Variants in GPT2 observed in about 807,000 individuals in gnomAD.
The protein encoded by GPT2 is glutamic--pyruvic transaminase 2, also known as alanine aminotransferase 2.
In GPT2, 30 loss-of-function variants were observed where a neutral mutation model predicts 56.9. The observed-to-expected ratio is 0.53, with a 90% CI of 0.39 to 0.72. The LOEUF (loss-of-function observed/expected upper bound fraction) is 0.72, where lower values mean the gene tolerates loss of function less well. Among genes scored for constraint, GPT2 ranks in the 30% least tolerant of loss-of-function variants. GPT2 has a pLI of 0.00. For synonymous variants in GPT2, 271 were observed against 283.1 expected, an observed-to-expected ratio of 0.96 and a Z score of 0.43; for missense variants, 542 against 703.4, an observed-to-expected ratio of 0.77 and a Z score of 2.60.
chr16:46,923,144 C>T (rs1435191171), intron 9 of GPT2, among the ~76,000 whole-genome samples: 3 of 152,170 alleles, frequency 2.0e-5, no homozygotes, highest in African/African-American at 7.2e-5. Context: ...TCTGCACTCA[C>T]CTCCTCGAGA....
At chr16:46,925,285 G>A (rs1297895634) in intron 10 of GPT2, among the ~76,000 whole-genome samples, 2 of 151,690 alleles carry the variant, frequency 1.3e-5, no homozygotes, top group Non-Finnish European at 1.5e-5. Flanking sequence ...GCAGTGGTGC[G>A]ATCGTGGCTC....
In GPT2 at chr16:46,909,612, G is replaced by C. The variant is rs1350446656; in HGVS notation, c.577-72G>C. On this transcript the variant is annotated intron_variant, in intron 5 of 11. Transcript: ENST00000340124. ...GAGTTGGACTGGAGGCATGCAGTGG[G>C]GCCACGGGTGAAAGGCTAGGTCAGG... The C allele has an allele frequency of 3.5e-5, 55 of 1,555,556 alleles. 1 individual carries two copies. The South Asian group carries it at 6.6e-4, about 19-fold the overall frequency.
intron 5 of GPT2, among the ~76,000 whole-genome samples, chr16:46,908,620 C>G (rs978261535): frequency 1.3e-5 from 2 of 152,148 alleles, no homozygotes; most frequent in African/African-American, 4.8e-5. Flanking sequence ...GAAATGGAGG[C>G]CCAGAGACAT....
At position 46,909,774 on chromosome 16, in the gene GPT2, A is replaced by G; in HGVS notation, c.667A>G (p.Ile223Val). 1 of 1,614,186 alleles carries G rather than the reference A, an allele frequency of 6.2e-7. No individual in the cohort carries two copies. The highest frequency in any genetic ancestry group is 1.1e-5 in the South Asian group (1 of 91,078). Residue 223 changes from isoleucine to valine, a missense_variant, in exon 6 of 12, where the codon ATC (isoleucine) becomes GTC (valine). Ile to Val is a conservative substitution (Grantham distance 29). Transcript: ENST00000340124. ...ACAATATCCCCTCTATTCAGCTGTC[A>G]TCTCTGAGCTCGACGCCATCCAGGT... is the stretch of plus-strand genomic sequence containing the variant. The part of the protein sequence containing the change: ...IPQYPLYSAV[I>V]SELDAIQVNY...
At chr16:46,927,242 G>T (rs1163642611) in intron 11 of GPT2, among the ~76,000 whole-genome samples, 2 of 152,206 alleles carry the variant, frequency 1.3e-5, no homozygotes, top group Admixed American at 6.5e-5. Context: ...TCTGCTCAGG[G>T]TTATATTCCC....
At chr16:46,885,353 A>C in intron 2 of GPT2, 1 of 261,780 alleles carries the variant, frequency 3.8e-6, no homozygotes, top group Non-Finnish European at 4.4e-6. Context: ...GAGGGTTGGG[A>C]TGGGGGCGGT....
At chr16:46,923,873 G>C (rs1047078960) in intron 9 of GPT2, 1 of 257,148 alleles carries the variant, frequency 3.9e-6, no homozygotes, top group African/African-American at 2.2e-5. Context: ...GAGGAATTCC[G>C]TCCAGAGCCA....
rs1198461378 is a variant in GPT2 at position 46,884,865 on chromosome 16, G to T, written c.150G>T (p.Leu50=). Residue 50 remains leucine, a synonymous_variant, in exon 2 of 12, where the codon CTG becomes CTT. Transcript: ENST00000340124. ...GCCGGCGCGAGCGCATCCTCACGCT[G>T]GAGTCCATGAACCCGCAGGTGAAGG... is the stretch of plus-strand genomic sequence containing the variant. The part of the protein sequence containing the change: ...ERSRRERILT[L]ESMNPQVKAV... 6.5e-7 allele frequency: 1 copy of T among 1,545,032 alleles called. No homozygotes were observed. The highest frequency in any genetic ancestry group is 1.4e-5 in the African/African-American group (1 of 72,514).
At chr16:46,889,912 C>G (rs775581241) in intron 2 of GPT2, among the ~76,000 whole-genome samples, 2 of 152,208 alleles carry the variant, frequency 1.3e-5, no homozygotes, top group Non-Finnish European at 1.5e-5. Context: ...GGGGCTTGCT[C>G]TTTCCTCCTG....
At chr16:46,893,656 C>T (rs2143364450) in intron 2 of GPT2, among the ~76,000 whole-genome samples, 1 of 152,302 alleles carries the variant, frequency 6.6e-6, no homozygotes, top group African/African-American at 2.4e-5. Context: ...AATATGCCGT[C>T]CCTAGAGCTG....
chr16:46,906,811 C>T, intron 4 of GPT2, 31 bp from the exon 5 acceptor site: 1 of 1,609,760 alleles, frequency 6.2e-7, no homozygotes, highest in Non-Finnish European at 8.5e-7. Context: ...GACATCCTGC[C>T]TCTGTTACTG....
chr16:46,926,085 C>G (rs111759043), intron 10 of GPT2, among the ~76,000 whole-genome samples: 67 of 140,942 alleles, frequency 4.8e-4, no homozygotes, highest in Non-Finnish European at 9.0e-4. Context: ...GAGCCGAGAT[C>G]ACGCCATTGC....
intron 5 of GPT2, among the ~76,000 whole-genome samples, chr16:46,908,144 G>A (rs1169797557): frequency 6.6e-6 from 1 of 151,146 alleles, no homozygotes; most frequent in Non-Finnish European, 1.5e-5. Flanking sequence ...CTGGGCTTGG[G>A]AGACCGGTGG....
At chr16:46,926,130 CAAAAAA>C (rs57922941) in intron 10 of GPT2, among the ~76,000 whole-genome samples, 1 of 58,168 alleles carries the variant, frequency 1.7e-5, no homozygotes, top group Admixed American at 1.9e-4. Context: ...GACTCTGTCT[CAAAAAA>C]AAAAAAAAAA....
chr16:46,900,972 A>G (rs1960806131), intron 4 of GPT2, among the ~76,000 whole-genome samples, 182 bp downstream of exon 4: 1 of 152,218 alleles, frequency 6.6e-6, no homozygotes. Flanking sequence ...GGCCTCGTTT[A>G]TTAAGCAGGC....
Position 46,907,220 on chromosome 16 carries a change from G to C in GPT2, c.576+245G>C, listed in dbSNP as rs147760458. On this transcript the variant is annotated intron_variant, in intron 5 of 11. Transcript: ENST00000340124. ...GCAGGTCCAGCTGCAGAGAAGCCGG[G>C]GGACACCCGAGGGTAGCCACTGGCC... Among the ~76,000 whole-genome samples, 26 of 152,344 alleles carry C rather than the reference G, an allele frequency of 1.7e-4. No homozygotes were observed. In the East Asian group the frequency reaches 5.0e-3, roughly 29 times the overall value.
chr16:46,925,058 G>C (rs1233844224), intron 10 of GPT2, among the ~76,000 whole-genome samples: 1 of 151,980 alleles, frequency 6.6e-6, no homozygotes, highest in African/African-American at 2.4e-5. Flanking sequence ...CACTGTGCCT[G>C]GCTTGTTTGT....
chr16:46,920,372 T>C (rs191622977), intron 8 of GPT2, among the ~76,000 whole-genome samples: 1 of 152,288 alleles, frequency 6.6e-6, no homozygotes, highest in Admixed American at 6.5e-5. Context: ...TGGTTTAAGT[T>C]TGGGAGATGT....
At chr16:46,904,616 G>A (rs747680265) in intron 4 of GPT2, among the ~76,000 whole-genome samples, 30 of 152,106 alleles carry the variant, frequency 2.0e-4, no homozygotes, top group Non-Finnish European at 2.9e-4. Context: ...TCTGTGACCC[G>A]CAGAAGTAAC....
Sources: allele counts gnomAD v4.1 joint callset (sites outside exome capture counted in the v4.1 genomes callset), GRCh38; gene constraint gnomAD v4.1.1; transcripts MANE v1.5; gene names NCBI Gene and HGNC (gene_info 2026-07-23, HGNC 2026-07-21).